The following OSBPL8 variants were observed in gnomAD, a reference collection of about 807,000 sequenced individuals.
OSBPL8 encodes oxysterol binding protein like 8.
Under a neutral mutation model 125.5 loss-of-function variants are expected in OSBPL8, and 59 were observed. The observed-to-expected ratio is 0.47, with a 90% confidence interval of 0.38 to 0.58. OSBPL8 has a LOEUF of 0.58. OSBPL8 is among the 20% of genes least tolerant of loss of function. The probability of loss-of-function intolerance (pLI) is 0.00; values close to 1 mark genes in which losing one functional copy is unlikely to be tolerated. For synonymous variants in OSBPL8, 330 were observed against 338.9 expected (o/e 0.97, Z 0.29); for missense variants, 758 against 1,047.8 (o/e 0.72, Z 3.82).
intron 12 of OSBPL8, among the ~76,000 whole-genome samples, chr12:76,388,283 G>C (rs1359811938): frequency 6.6e-6 from 1 of 152,198 alleles, no homozygotes; most frequent in African/African-American, 2.4e-5. Context: ...AGTGAGATTA[G>C]TGGATCAAAT....
At chr12:76,549,492 C>T (rs576465349) in intron 1 of OSBPL8, among the ~76,000 whole-genome samples, 10 of 152,146 alleles carry the variant, frequency 6.6e-5, no homozygotes, top group Non-Finnish European at 1.3e-4. Flanking sequence ...CTCACTGCAA[C>T]GTCCACCTCC....
chr12:76,459,332 C>T (rs1448224878), intron 3 of OSBPL8, among the ~76,000 whole-genome samples: 1 of 152,030 alleles, frequency 6.6e-6, no homozygotes, highest in East Asian at 1.9e-4. Context: ...CACTCCCTGC[C>T]CCAAAAAACT....
intron 1 of OSBPL8, among the ~76,000 whole-genome samples, chr12:76,497,200 T>G (rs1879366598): frequency 1.3e-5 from 2 of 152,162 alleles, no homozygotes; most frequent in African/African-American, 4.8e-5. Flanking sequence ...CAAATTTTTT[T>G]TTTTTTTTTG....
chr12:76,449,646 G>A (rs935451238), intron 4 of OSBPL8, among the ~76,000 whole-genome samples: 1 of 152,132 alleles, frequency 6.6e-6, no homozygotes, highest in Non-Finnish European at 1.5e-5. Flanking sequence ...TGAACCTTTA[G>A]TACGTAAGAT....
intron 1 of OSBPL8, among the ~76,000 whole-genome samples, chr12:76,523,181 T>C (rs1950071437): frequency 6.6e-6 from 1 of 152,232 alleles, no homozygotes; most frequent in Non-Finnish European, 1.5e-5. Flanking sequence ...TTATTTCTAC[T>C]GTGTTAACCT....
At chr12:76,543,675 C>G (rs1180222534) in intron 1 of OSBPL8, among the ~76,000 whole-genome samples, 1 of 152,054 alleles carries the variant, frequency 6.6e-6, no homozygotes, top group African/African-American at 2.4e-5. Flanking sequence ...TCAAAGAGTG[C>G]ACTCCAATGG....
At chr12:76,552,952 C>A (rs192698758) in intron 1 of OSBPL8, among the ~76,000 whole-genome samples, 89 of 152,338 alleles carry the variant, frequency 5.8e-4, no homozygotes, top group Non-Finnish European at 3.7e-4. Context: ...ATGCACAGCA[C>A]TGCTTTTCTT....
chr12:76,495,284 T>G (rs1324593516), intron 1 of OSBPL8, among the ~76,000 whole-genome samples: 1 of 152,220 alleles, frequency 6.6e-6, no homozygotes, highest in East Asian at 1.9e-4. Context: ...TAACAAAATA[T>G]ACAAATTCAG....
At chr12:76,518,735 GCACCCTC>G (rs1881792226) in intron 1 of OSBPL8, among the ~76,000 whole-genome samples, 1 of 152,108 alleles carries the variant, frequency 6.6e-6, no homozygotes, top group Admixed American at 6.5e-5. Flanking sequence ...CTTATGGCTT[GCACCCTC>G]CAAAGAAGCA....
rs781426790 is a variant in OSBPL8 at position 76,397,868 on chromosome 12, C to T, written c.498G>A (p.Lys166=). The T allele has an allele frequency of 6.5e-5, 105 of 1,613,968 alleles. 1 individual carries two copies. The Middle Eastern group carries it at 9.9e-4, about 15-fold the overall frequency. ...KIRGTLKSWT[K]LWCVLKPGVL... is the part of the protein sequence containing the mutation. ...CCCCAGGTTTCAACACACACCATAA[C>T]TTGGTCCAGCTCTTTAGAGTACCAC... is the stretch of plus-strand genomic sequence containing the variant. The change falls in exon 8 of 24, where the codon AAG becomes AAA. Residue 166 remains lysine, a synonymous_variant. Transcript: ENST00000261183.
intron 4 of OSBPL8, among the ~76,000 whole-genome samples, chr12:76,430,554 T>A (rs1447231816): frequency 6.6e-6 from 1 of 152,162 alleles, no homozygotes; most frequent in Non-Finnish European, 1.5e-5. Context: ...CAATTCTAAA[T>A]AAACATCATG....
intron 2 of OSBPL8, among the ~76,000 whole-genome samples, chr12:76,461,435 C>T (rs1279411294): frequency 6.6e-6 from 1 of 152,076 alleles, no homozygotes; most frequent in African/African-American, 2.4e-5. Context: ...TCCCACTCCA[C>T]CCTCCATCCC....
At chr12:76,430,563 T>C (rs916189244) in intron 4 of OSBPL8, among the ~76,000 whole-genome samples, 1 of 152,182 alleles carries the variant, frequency 6.6e-6, no homozygotes. Context: ...ATAAACATCA[T>C]GAACTGCTTC....
chr12:76,374,264 CATTTT>C (rs1395349762), intron 17 of OSBPL8, among the ~76,000 whole-genome samples: 2 of 152,094 alleles, frequency 1.3e-5, no homozygotes, highest in Non-Finnish European at 2.9e-5. Context: ...ATTTCCCTTT[CATTTT>C]GAGGCAGACA....
intron 8 of OSBPL8, 50 bp from the exon 9 acceptor site, chr12:76,394,779 A>T: frequency 7.6e-7 from 1 of 1,319,298 alleles, no homozygotes; most frequent in Non-Finnish European, 1.1e-6. Context: ...TTATTATGAG[A>T]TCTCATCTTT....
chr12:76,384,118 G>C, intron 15 of OSBPL8, 136 bp downstream of exon 15: 1 of 446,166 alleles, frequency 2.2e-6, no homozygotes, highest in Non-Finnish European at 4.0e-6. Flanking sequence ...GCAGAAAAAA[G>C]CCATTATTCA....
At position 76,390,794 on chromosome 12, in the gene OSBPL8, T is replaced by C. The variant is rs1338319826; in HGVS notation, c.930-137A>G. 6.5e-6 allele frequency: 4 copies of C among 610,954 alleles called. No homozygotes were observed. In the East Asian group the frequency reaches 1.1e-4, roughly 17 times the overall value. The allele number at this position is 610,954 out of a possible 1,614,324, so 37.8% of individuals were successfully genotyped here. A position where few individuals can be genotyped will look rare whatever the true frequency, so the allele number is the denominator to read the frequency against. ...TTCTAAGTGTTTTACATAGTGTTAA[T>C]TCACTTAATCTTCAAAATAACCCTA... On this transcript the variant is annotated intron_variant, in intron 10 of 23. Transcript: ENST00000261183.
intron 1 of OSBPL8, among the ~76,000 whole-genome samples, chr12:76,541,960 T>C (rs915296765): frequency 8.5e-5 from 13 of 152,160 alleles, no homozygotes; most frequent in Admixed American, 5.9e-4. Context: ...TCACCTGAGG[T>C]TGGGAGTTCG....
At chr12:76,400,073 C>A in intron 6 of OSBPL8, 99 bp from the exon 7 acceptor site, 5 of 822,062 alleles carry the variant, frequency 6.1e-6, no homozygotes, top group Non-Finnish European at 9.3e-6. Flanking sequence ...TATAGGTAAA[C>A]CTGTGTCATG....
Sources: allele counts gnomAD v4.1 joint callset (sites outside exome capture counted in the v4.1 genomes callset), GRCh38; gene constraint gnomAD v4.1.1; transcripts MANE v1.5; gene names NCBI Gene and HGNC (gene_info 2026-07-23, HGNC 2026-07-21).